OSBPL10: variants seen among roughly 807,000 people sequenced by gnomAD.
OSBPL10 encodes oxysterol binding protein like 10.
OSBPL10 carries 49 observed loss-of-function variants against 81.7 expected under a neutral mutation model. That is an observed-to-expected ratio of 0.60 (90% CI 0.48 to 0.76). The LOEUF (loss-of-function observed/expected upper bound fraction) is 0.76. Among genes scored for constraint, OSBPL10 ranks in the 30% least tolerant of loss-of-function variants. The pLI is 0.00. For missense variants in OSBPL10, 923 were observed against 987.8 expected (o/e 0.93, Z 0.88); for synonymous variants, 419 against 383.6 (o/e 1.09, Z -1.08).
At chr3:32,009,579 T>A (rs1699233347) in intron 2 of OSBPL10, among the ~76,000 whole-genome samples, 1 of 152,180 alleles carries the variant, frequency 6.6e-6, no homozygotes, top group African/African-American at 2.4e-5. Flanking sequence ...AATTCATTGG[T>A]GAAATTTAAG....
chr3:31,893,650 A>G (rs9880107), intron 1 of OSBPL10, among the ~76,000 whole-genome samples: 40,647 of 152,112 alleles, frequency 0.27, 5,446 homozygotes, highest in East Asian at 0.34. Context: ...TGGTGAATGG[A>G]TAAAGAAAAT....
chr3:31,709,770 G>A (rs1371835126), intron 6 of OSBPL10, among the ~76,000 whole-genome samples: 1 of 152,208 alleles, frequency 6.6e-6, no homozygotes, highest in Non-Finnish European at 1.5e-5. Flanking sequence ...GCATCAGCCT[G>A]CTGCCTGGAA....
intron 4 of OSBPL10, among the ~76,000 whole-genome samples, chr3:31,811,580 G>A (rs762711001): frequency 2.0e-5 from 3 of 152,124 alleles, no homozygotes; most frequent in Non-Finnish European, 4.4e-5. Context: ...AAAAGAAACA[G>A]TTCCTAAATG....
chr3:31,665,556 G>A (rs1175311536), intron 10 of OSBPL10, among the ~76,000 whole-genome samples: 1 of 152,170 alleles, frequency 6.6e-6, no homozygotes, highest in South Asian at 2.1e-4. Context: ...CCTCCTGGGG[G>A]TACAGATGCC....
At chr3:31,813,794 C>T (rs954724756) in intron 4 of OSBPL10, among the ~76,000 whole-genome samples, 10 of 152,128 alleles carry the variant, frequency 6.6e-5, no homozygotes, top group Non-Finnish European at 1.2e-4. Flanking sequence ...TCTCTAAGCC[C>T]GGGTGTCCTC....
At chr3:31,775,401 C>T (rs1002013148) in intron 4 of OSBPL10, among the ~76,000 whole-genome samples, 1 of 151,966 alleles carries the variant, frequency 6.6e-6, no homozygotes, top group Admixed American at 6.6e-5. Context: ...GGGTAAAAAG[C>T]TGTTGGAGTC....
chr3:31,680,356 G>A (rs1452998969), intron 8 of OSBPL10, among the ~76,000 whole-genome samples: 2 of 152,154 alleles, frequency 1.3e-5, no homozygotes, highest in Admixed American at 6.5e-5. Context: ...AACTCAGGGG[G>A]CTGCCTGAAC....
chr3:31,837,746 CAGAAAAT>C (rs1700396498), intron 3 of OSBPL10, among the ~76,000 whole-genome samples: 1 of 149,700 alleles, frequency 6.7e-6, no homozygotes, highest in African/African-American at 2.5e-5. Flanking sequence ...GATAACCAAT[CAGAAAAT>C]AGAAAATAAG....
intron 4 of OSBPL10, among the ~76,000 whole-genome samples, chr3:31,759,561 G>T (rs1697973411): frequency 6.6e-6 from 1 of 152,134 alleles, no homozygotes; most frequent in Non-Finnish European, 1.5e-5. Flanking sequence ...TGTACTTACA[G>T]AATTTTTATG....
intron 7 of OSBPL10, among the ~76,000 whole-genome samples, chr3:31,690,691 G>GA (rs1347792988): frequency 6.6e-6 from 1 of 152,194 alleles, no homozygotes; most frequent in East Asian, 1.9e-4. Flanking sequence ...GTCAGAGCAG[G>GA]AAAAAAATAG....
At chr3:31,786,741 T>C (rs1168828443) in intron 4 of OSBPL10, among the ~76,000 whole-genome samples, 11 of 152,228 alleles carry the variant, frequency 7.2e-5, no homozygotes, top group Non-Finnish European at 1.3e-4. Context: ...ATATATTGTA[T>C]GATTTAAGCA....
intron 4 of OSBPL10, among the ~76,000 whole-genome samples, chr3:31,754,674 G>C (rs185620962): frequency 1.6e-3 from 236 of 152,174 alleles, no homozygotes; most frequent in Non-Finnish European, 2.8e-3. Flanking sequence ...AACACTTTAG[G>C]TTTTGCAGAC....
chr3:31,840,659 A>G (rs937227654), intron 3 of OSBPL10, among the ~76,000 whole-genome samples: 2 of 152,224 alleles, frequency 1.3e-5, no homozygotes, highest in Non-Finnish European at 2.9e-5. Flanking sequence ...AAACCTTATA[A>G]GTCGTGCGTC....
intron 3 of OSBPL10, among the ~76,000 whole-genome samples, chr3:31,854,115 G>A (rs1195528968): frequency 6.6e-6 from 1 of 150,824 alleles, no homozygotes; most frequent in African/African-American, 2.4e-5. Flanking sequence ...CTTCTTTCAT[G>A]ATATATACAT....
At chr3:31,830,733 C>T (rs1371661371) in intron 3 of OSBPL10, among the ~76,000 whole-genome samples, 4 of 152,302 alleles carry the variant, frequency 2.6e-5, no homozygotes, top group Non-Finnish European at 4.4e-5. Context: ...TTAAGAGATG[C>T]TTTCATGCTC....
intron 1 of OSBPL10, among the ~76,000 whole-genome samples, chr3:32,068,904 C>T (rs1042311126): frequency 2.6e-5 from 4 of 152,006 alleles, no homozygotes; most frequent in African/African-American, 9.7e-5. Context: ...CTCCTCAGGT[C>T]GCTCCCCGTC....
At position 31,683,891 on chromosome 3, in the gene OSBPL10, G is replaced by C; in HGVS notation, c.1469C>G (p.Ser490Cys). ...GACCCTGTCCTTGGGAACTTCCCAG[G>C]AGCAGTGAAATGTCTCGCCTATGAT... is the stretch of plus-strand genomic sequence containing the variant. The part of the protein sequence containing the change: ...NPIIGETFHC[S>C]WEVPKDRVKP... The change falls in exon 8 of 12, where the codon TCC becomes TGC. Residue 490 changes from serine (S) to cysteine (C), a missense_variant. Around this residue, in one of 3 missense-constraint regions of OSBPL10, gnomAD observed 387 missense variants for 436.3 expected, o/e 0.89. Transcript: ENST00000396556. The C allele has an allele frequency of 6.2e-7, 1 of 1,614,232 alleles. No homozygotes were observed. The highest frequency in any genetic ancestry group is 8.5e-7 in the Non-Finnish European group (1 of 1,180,038).
chr3:32,009,421 T>G (rs990010907), intron 2 of OSBPL10, among the ~76,000 whole-genome samples: 1 of 152,188 alleles, frequency 6.6e-6, no homozygotes, highest in Non-Finnish European at 1.5e-5. Context: ...TTGGGGAAAC[T>G]TGAGCAAGTC....
intron 1 of OSBPL10, among the ~76,000 whole-genome samples, chr3:31,910,856 T>G (rs1696554749): frequency 6.6e-6 from 1 of 152,204 alleles, no homozygotes; most frequent in Admixed American, 6.5e-5. Context: ...TAAATTAATT[T>G]CCTAATAAAC....
Sources: gnomAD v4.1 joint callset for allele counts (sites outside exome capture counted in the v4.1 genomes callset) on GRCh38, gnomAD v4.1.1 for gene constraint, gnomAD v4.1.1 regional missense constraint, MANE v1.5 for transcripts, NCBI Gene and HGNC (gene_info 2026-07-23, HGNC 2026-07-21) for gene names.